IMMP2L: variants seen among roughly 807,000 people sequenced by gnomAD.
IMMP2L encodes inner mitochondrial membrane peptidase subunit 2.
IMMP2L carries 18 observed loss-of-function variants against 19.3 expected under a neutral mutation model. That is an observed-to-expected ratio of 0.93 (90% CI 0.64 to 1.38). IMMP2L has a LOEUF of 1.38. Among genes scored for constraint, IMMP2L ranks in the 40% most tolerant of loss-of-function variants. The pLI, the probability that IMMP2L is intolerant of heterozygous loss-of-function variation, is 0.00. For synonymous variants in IMMP2L, 76 were observed against 73.0 expected, an observed-to-expected ratio of 1.04 and a Z score of -0.21; for missense variants, 233 against 218.2, an observed-to-expected ratio of 1.07 and a Z score of -0.43.
intron 3 of IMMP2L, among the ~76,000 whole-genome samples, chr7:111,368,948 T>C (rs1830035886): frequency 6.6e-6 from 1 of 151,918 alleles, no homozygotes; most frequent in Admixed American, 6.6e-5. Flanking sequence ...TAAAGGAAAA[T>C]GGTTTGAACT....
chr7:110,951,631 A>C (rs1421632480), intron 4 of IMMP2L, among the ~76,000 whole-genome samples: 1 of 151,980 alleles, frequency 6.6e-6, no homozygotes, highest in African/African-American at 2.4e-5. Context: ...GAAAATAGAG[A>C]GATACAAATA....
At position 110,949,832 on chromosome 7, in the gene IMMP2L, A is replaced by G. The variant is rs140857972; in HGVS notation, c.305+13668T>C. On this transcript the variant is annotated intron_variant, in intron 4 of 5. Transcript: ENST00000405709. ...GGTTAAGATTAGAAAGATACAGTAG[A>G]TAGCATTTGAGTACTTCCATGGAAA... is the stretch of plus-strand genomic sequence containing the variant. 2.6e-3 allele frequency among the ~76,000 whole-genome samples: 389 copies of G among 152,312 alleles called. 1 individual carries two copies. Among genetic ancestry groups the G allele is most frequent in the African/African-American group, 8.6e-3 (359 of 41,576 alleles).
intron 5 of IMMP2L, among the ~76,000 whole-genome samples, chr7:110,838,647 TA>T (rs1804751710): frequency 1.3e-5 from 2 of 152,172 alleles, no homozygotes; most frequent in Non-Finnish European, 2.9e-5. Flanking sequence ...AAGAAGGCCT[TA>T]ACCAGATGTG....
At chr7:110,804,820 T>C (rs1481899095) in intron 5 of IMMP2L, among the ~76,000 whole-genome samples, 3 of 152,186 alleles carry the variant, frequency 2.0e-5, no homozygotes, top group Middle Eastern at 3.4e-3. Context: ...AAGAAAAACA[T>C]GTAAGGAACT....
At chr7:111,498,958 G>T (rs1021070242) in intron 2 of IMMP2L, among the ~76,000 whole-genome samples, 12 of 151,488 alleles carry the variant, frequency 7.9e-5, no homozygotes, top group African/African-American at 2.9e-4. Flanking sequence ...ATAAAAAGGG[G>T]GAAAAAAGGA....
At chr7:110,683,905 C>T (rs1792916317) in intron 5 of IMMP2L, among the ~76,000 whole-genome samples, 1 of 151,964 alleles carries the variant, frequency 6.6e-6, no homozygotes, top group Non-Finnish European at 1.5e-5. Context: ...GTAGTTAATT[C>T]AGAGAAATCT....
chr7:111,356,941 C>T (rs1263552217), intron 3 of IMMP2L, among the ~76,000 whole-genome samples: 2 of 138,312 alleles, frequency 1.4e-5, no homozygotes, highest in Non-Finnish European at 3.0e-5. Context: ...GCAGGAGAAG[C>T]GCTTGAACCA....
intron 4 of IMMP2L, among the ~76,000 whole-genome samples, chr7:110,899,703 T>C (rs1811667306): frequency 6.6e-6 from 1 of 152,152 alleles, no homozygotes; most frequent in Admixed American, 6.6e-5. Flanking sequence ...ATTTTTGTTT[T>C]ACTAGTACAT....
chr7:110,876,309 G>A (rs1315060376), intron 5 of IMMP2L, among the ~76,000 whole-genome samples: 1 of 152,112 alleles, frequency 6.6e-6, no homozygotes, highest in African/African-American at 2.4e-5. Flanking sequence ...GAGTAGAAAA[G>A]GCTGGTGAAA....
intron 3 of IMMP2L, among the ~76,000 whole-genome samples, chr7:110,969,144 T>A (rs1287290645): frequency 6.6e-6 from 1 of 152,222 alleles, no homozygotes; most frequent in African/African-American, 2.4e-5. Flanking sequence ...AGATAGGTAT[T>A]ATCTGTAAAA....
At chr7:111,422,295 C>A (rs1426440699) in intron 3 of IMMP2L, among the ~76,000 whole-genome samples, 2 of 151,810 alleles carry the variant, frequency 1.3e-5, no homozygotes, top group Non-Finnish European at 2.9e-5. Context: ...GGCATTGAAT[C>A]AATAAATTAC....
chr7:111,267,060 G>T (rs539771274), intron 3 of IMMP2L, among the ~76,000 whole-genome samples: 1 of 152,200 alleles, frequency 6.6e-6, no homozygotes, highest in South Asian at 2.1e-4. Context: ...GGATGATTTT[G>T]ATCATAAGTT....
chr7:111,545,420 C>G lies in IMMP2L; in HGVS notation c.-3+16431G>C, dbSNP rs181686963. On this transcript the variant is annotated intron_variant, in intron 1 of 5. Coordinates refer to ENST00000405709, the MANE Select transcript of IMMP2L (RefSeq NM_032549.4). ...TGTTCGGAGTTTTTTGAGACAGAATCTTGCTCTGTCACCCAGCTGGAGTGC... is the reference window on the plus strand; with the variant it reads ...TGTTCGGAGTTTTTTGAGACAGAATGTTGCTCTGTCACCCAGCTGGAGTGC... Among the ~76,000 whole-genome samples the G allele has an allele frequency of 5.1e-3, 775 of 152,254 alleles. 3 individuals are homozygous for G. The highest frequency in any genetic ancestry group is 8.1e-3 in the Non-Finnish European group (548 of 68,010).
At chr7:111,125,165 G>A (rs1437610600) in intron 3 of IMMP2L, 1 of 349,466 alleles carries the variant, frequency 2.9e-6, no homozygotes, top group Non-Finnish European at 5.4e-6. Context: ...TAACTTTTAT[G>A]TCTGGACTAC....
chr7:110,819,564 A>C (rs1181837199), intron 5 of IMMP2L, among the ~76,000 whole-genome samples: 3 of 152,026 alleles, frequency 2.0e-5, no homozygotes, highest in South Asian at 4.1e-4. Context: ...TCACTATCAC[A>C]AAGTTCCAAA....
chr7:111,389,712 T>G (rs1274687945), intron 3 of IMMP2L, among the ~76,000 whole-genome samples: 1 of 152,106 alleles, frequency 6.6e-6, no homozygotes, highest in Non-Finnish European at 1.5e-5. Flanking sequence ...AAGCTTGAAA[T>G]CATTGTCAAA....
At chr7:111,076,633 G>A (rs1220696323) in intron 3 of IMMP2L, among the ~76,000 whole-genome samples, 3 of 152,186 alleles carry the variant, frequency 2.0e-5, no homozygotes, top group Non-Finnish European at 4.4e-5. Context: ...CCCAGCATCT[G>A]TGGTTCAGAA....
chr7:111,434,240 C>T (rs910972863), intron 3 of IMMP2L, among the ~76,000 whole-genome samples: 2 of 151,286 alleles, frequency 1.3e-5, no homozygotes, highest in Non-Finnish European at 2.9e-5. Context: ...ATAGCCTAGC[C>T]ATATGCAGAA....
intron 3 of IMMP2L, among the ~76,000 whole-genome samples, chr7:111,343,135 G>A (rs943681651): frequency 6.6e-6 from 1 of 152,060 alleles, no homozygotes; most frequent in African/African-American, 2.4e-5. Context: ...TTGAGTGGTT[G>A]TATCCCTTTC....
Sources: gnomAD v4.1 joint callset for allele counts (sites outside exome capture counted in the v4.1 genomes callset) on GRCh38, gnomAD v4.1.1 for gene constraint, MANE v1.5 for transcripts, NCBI Gene and HGNC (gene_info 2026-07-23, HGNC 2026-07-21) for gene names.